Variants in GAB2 observed in about 807,000 individuals in gnomAD.
The protein encoded by GAB2 is GRB2-associated-binding protein 2.
In GAB2, 26 loss-of-function variants were observed where a neutral mutation model predicts 65.5. The ratio of observed to expected loss-of-function variants is 0.40; its 90% CI spans 0.29 to 0.55. The LOEUF (loss-of-function observed/expected upper bound fraction) is 0.55. GAB2 is among the 20% of genes least tolerant of loss of function. The probability of loss-of-function intolerance (pLI) is 0.53; values close to 1 mark genes in which losing one functional copy is unlikely to be tolerated. For synonymous variants in GAB2, 321 were observed against 329.6 expected, an observed-to-expected ratio of 0.97 and a Z score of 0.28; for missense variants, 884 against 875.8, an observed-to-expected ratio of 1.01 and a Z score of -0.12.
At chr11:78,228,688 A>G (rs1864756546) in intron 3 of GAB2, among the ~76,000 whole-genome samples, 1 of 152,138 alleles carries the variant, frequency 6.6e-6, no homozygotes, top group South Asian at 2.1e-4. Flanking sequence ...TCAGTCTCCA[A>G]ACCTTCACTG....
chr11:78,289,621 G>T (rs1866594713), intron 1 of GAB2, among the ~76,000 whole-genome samples: 1 of 151,970 alleles, frequency 6.6e-6, no homozygotes, highest in South Asian at 2.1e-4. Context: ...AAAACTAGAA[G>T]ATTTTTTTGT....
chr11:78,260,553 C>A (rs1294257973), intron 2 of GAB2, among the ~76,000 whole-genome samples: 1 of 151,300 alleles, frequency 6.6e-6, no homozygotes, highest in Non-Finnish European at 1.5e-5. Context: ...CTCACTGAAA[C>A]CTCCGCCTTC....
intron 1 of GAB2, among the ~76,000 whole-genome samples, chr11:78,319,541 T>A (rs1167065230): frequency 4.6e-5 from 7 of 152,232 alleles, no homozygotes; most frequent in African/African-American, 1.4e-4. Context: ...TTAGGCTTGG[T>A]AACATTCATC....
chr11:78,219,298 C>A lies in GAB2; in HGVS notation c.2005G>T (p.Glu669Ter). ...CACAGCTTGGCACCCTTGGAAGGCT[C>A]TGAGGACTGCCGCACGTCTGTCCAC... ...QEWTDVRQSS[E>*]PSKGAKL Residue 669 changes from glutamate (E) to a stop codon, truncating the protein, a stop_gained, in exon 10 of 10, where the codon GAG becomes TAG. Transcript: ENST00000361507. LOFTEE classifies it high-confidence loss of function. The A allele has an allele frequency of 6.2e-7, 1 of 1,613,766 alleles. No individual in the cohort carries two copies. The highest frequency in any genetic ancestry group is 1.1e-5 in the South Asian group (1 of 91,062).
chr11:78,221,856 G>C (rs971799985), intron 7 of GAB2, 77 bp from the exon 8 acceptor site: 9 of 982,024 alleles, frequency 9.2e-6, no homozygotes, highest in African/African-American at 3.2e-5. Flanking sequence ...GCTGGGCCCT[G>C]ACCCTCACAC....
intron 1 of GAB2, among the ~76,000 whole-genome samples, chr11:78,376,787 A>C (rs1856636408): frequency 6.6e-6 from 1 of 152,074 alleles, no homozygotes; most frequent in South Asian, 2.1e-4. Context: ...ATAACAAATT[A>C]CCATAGACTA....
At chr11:78,280,975 G>C in intron 1 of GAB2, 74 bp from the exon 2 acceptor site, 1 of 1,288,442 alleles carries the variant, frequency 7.8e-7, no homozygotes, top group Non-Finnish European at 1.1e-6. Context: ...TTCTTTCAGA[G>C]ACAGGTCTTG....
At chr11:78,309,958 GTGTGTGTGT>G in intron 1 of GAB2, among the ~76,000 whole-genome samples, 1 of 147,808 alleles carries the variant, frequency 6.8e-6, no homozygotes, top group South Asian at 2.1e-4. Context: ...GTGTGTGTGT[GTGTGTGTGT>G]GTGTGCGCGC....
At chr11:78,302,912 G>C (rs141047937) in intron 1 of GAB2, among the ~76,000 whole-genome samples, 1 of 152,194 alleles carries the variant, frequency 6.6e-6, no homozygotes, top group East Asian at 1.9e-4. Flanking sequence ...ATGGGATGGA[G>C]ACTATTATTC....
intron 1 of GAB2, among the ~76,000 whole-genome samples, chr11:78,307,166 C>A (rs1301924093): frequency 2.0e-5 from 3 of 152,154 alleles, no homozygotes; most frequent in Non-Finnish European, 2.9e-5. Context: ...CCAACTCAGT[C>A]ACTAAGAGTA....
rs184515883 is a variant in GAB2 at position 78,254,655 on chromosome 11, T to C, written c.377-4255A>G. On this transcript the variant is annotated intron_variant, in intron 2 of 9. Transcript: ENST00000361507. ...CTCTATCAAAAATTAAAAAATTAACTGGGCGTGGTGGTGTGTGCCTGTAGG... is the reference window on the plus strand; with the variant it reads ...CTCTATCAAAAATTAAAAAATTAACCGGGCGTGGTGGTGTGTGCCTGTAGG... Among the ~76,000 whole-genome samples, 613 of 152,016 alleles carry C rather than the reference T, an allele frequency of 4.0e-3. 10 individuals carry two copies. The highest frequency in any genetic ancestry group is 8.7e-4 in the Non-Finnish European group (59 of 67,952).
chr11:78,349,348 T>C (rs1475689493), intron 1 of GAB2, among the ~76,000 whole-genome samples: 1 of 152,206 alleles, frequency 6.6e-6, no homozygotes, highest in African/African-American at 2.4e-5. Context: ...TGATTATTAA[T>C]GAGGTGTCTG....
intron 2 of GAB2, among the ~76,000 whole-genome samples, chr11:78,273,223 C>T (rs1866068091): frequency 6.6e-6 from 1 of 152,218 alleles, no homozygotes; most frequent in African/African-American, 2.4e-5. Context: ...CTCCAGACCC[C>T]AGAATGGTAG....
At chr11:78,341,844 C>T (rs1856102017) in intron 1 of GAB2, 1 of 985,070 alleles carries the variant, frequency 1.0e-6, no homozygotes, top group African/African-American at 1.7e-5. Context: ...CTCCTCTCTT[C>T]AGGGATCTTC....
intron 1 of GAB2, among the ~76,000 whole-genome samples, chr11:78,303,829 G>C (rs947430908): frequency 6.6e-6 from 1 of 152,126 alleles, no homozygotes; most frequent in Non-Finnish European, 1.5e-5. Context: ...TACCTCTCCC[G>C]TTGGCAAAGC....
At chr11:78,375,769 G>A (rs1224088510) in intron 1 of GAB2, among the ~76,000 whole-genome samples, 2 of 152,200 alleles carry the variant, frequency 1.3e-5, no homozygotes, top group African/African-American at 4.8e-5. Flanking sequence ...TGACTAATAA[G>A]TTACAGAGTG....
intron 3 of GAB2, among the ~76,000 whole-genome samples, chr11:78,244,375 GA>G (rs1315757800): frequency 6.6e-6 from 1 of 150,660 alleles, no homozygotes; most frequent in Non-Finnish European, 1.5e-5. Flanking sequence ...CTGTACGACA[GA>G]GGGAGATTCT....
intron 1 of GAB2, among the ~76,000 whole-genome samples, chr11:78,315,962 T>C (rs1407555668): frequency 6.6e-6 from 1 of 152,182 alleles, no homozygotes; most frequent in Non-Finnish European, 1.5e-5. Context: ...CCTGTCAGCA[T>C]GGCCAGAAGA....
intron 3 of GAB2, among the ~76,000 whole-genome samples, chr11:78,230,618 T>C (rs537726517): frequency 4.4e-4 from 67 of 152,338 alleles, no homozygotes; most frequent in African/African-American, 1.5e-3. Context: ...GAGGGCCATA[T>C]CCTGTACCCT....
Sources: gnomAD v4.1 joint callset for allele counts (sites outside exome capture counted in the v4.1 genomes callset) on GRCh38, gnomAD v4.1.1 for gene constraint, MANE v1.5 for transcripts, NCBI Gene and HGNC (gene_info 2026-07-23, HGNC 2026-07-21) for gene names.